KDM4C: variants seen among roughly 807,000 people sequenced by gnomAD.
The protein encoded by KDM4C is lysine demethylase 4C.
A neutral mutation model predicts 129.3 loss-of-function variants in KDM4C; 81 were observed. The observed-to-expected ratio is 0.63, with a 90% CI of 0.52 to 0.75. The LOEUF (loss-of-function observed/expected upper bound fraction) is 0.75, where lower values mean the gene tolerates loss of function less well. Ranked by LOEUF, KDM4C falls within the 30% of genes least tolerant of loss-of-function variation. KDM4C has a pLI of 0.00. For synonymous variants in KDM4C, 573 were observed against 456.1 expected (o/e 1.26, Z -3.26); for missense variants, 1,457 against 1,304.0 (o/e 1.12, Z -1.81).
chr9:6,947,719 C>T (rs1322592155), intron 8 of KDM4C, among the ~76,000 whole-genome samples: 2 of 151,974 alleles, frequency 1.3e-5, no homozygotes, highest in Non-Finnish European at 2.9e-5. Flanking sequence ...ATCTATTTGT[C>T]ATTTTCTAAT....
intron 1 of KDM4C, among the ~76,000 whole-genome samples, chr9:6,732,545 G>T (rs937833852): frequency 1.3e-5 from 2 of 151,936 alleles, no homozygotes; most frequent in African/African-American, 4.8e-5. Flanking sequence ...ACCGCACCCA[G>T]CCAGAAAGGA....
intron 1 of KDM4C, among the ~76,000 whole-genome samples, chr9:6,746,263 T>G (rs1344763574): frequency 1.9e-5 from 1 of 51,370 alleles, no homozygotes; most frequent in Non-Finnish European, 4.1e-5. Context: ...TATATATATG[T>G]TTTTTTTTTT....
At chr9:6,828,990 A>G (rs1177822415) in intron 4 of KDM4C, among the ~76,000 whole-genome samples, 1 of 152,240 alleles carries the variant, frequency 6.6e-6, no homozygotes, top group Non-Finnish European at 1.5e-5. Flanking sequence ...AATGTTTAAT[A>G]ACCTGGTAAA....
intron 8 of KDM4C, among the ~76,000 whole-genome samples, chr9:6,938,064 A>G (rs961033187): frequency 4.6e-5 from 7 of 152,140 alleles, no homozygotes; most frequent in Admixed American, 2.6e-4. Context: ...ATATTTTACA[A>G]ATTGCTAACA....
chr9:6,803,695 C>G (rs1013426274), intron 2 of KDM4C, among the ~76,000 whole-genome samples: 101 of 150,324 alleles, frequency 6.7e-4, no homozygotes, highest in African/African-American at 2.5e-3. Context: ...ATCAGTTGAG[C>G]TCAGGAATTT....
At chr9:7,076,537 C>G (rs1833940806) in intron 17 of KDM4C, 8 of 1,537,076 alleles carry the variant, frequency 5.2e-6, no homozygotes, top group African/African-American at 1.4e-5. Flanking sequence ...ATCCCCTCCG[C>G]CACTGTTTCA....
At chr9:7,129,562 T>TA (rs1684003824) in intron 19 of KDM4C, among the ~76,000 whole-genome samples, 1 of 152,148 alleles carries the variant, frequency 6.6e-6, no homozygotes, top group Admixed American at 6.5e-5. Context: ...ATTCACTGAA[T>TA]ACCTGCTGTG....
At chr9:6,860,314 A>G (rs1395178335) in intron 5 of KDM4C, among the ~76,000 whole-genome samples, 3 of 152,174 alleles carry the variant, frequency 2.0e-5, no homozygotes, top group Non-Finnish European at 4.4e-5. Context: ...TCAGAAAGAA[A>G]ACCCCACATT....
Position 7,029,442 on chromosome 9 carries a change from C to A in KDM4C, c.2259+13513C>A, listed in dbSNP as rs527423755. Among the ~76,000 whole-genome samples the A allele has an allele frequency of 2.0e-5, 3 of 151,936 alleles. No homozygotes were observed. The East Asian group carries it at 5.8e-4, about 29-fold the overall frequency. ...AATATGTTGATAACCTAAATGTTTACCTCTATTCCAATAAATTATAATCCA... is the reference window on the plus strand; with the variant it reads ...AATATGTTGATAACCTAAATGTTTAACTCTATTCCAATAAATTATAATCCA... On this transcript the variant is annotated intron_variant, in intron 15 of 21. Transcript: ENST00000381309.
chr9:6,786,911 A>G lies in KDM4C; in HGVS notation c.-17-6061A>G, dbSNP rs797001852. The stretch of plus-strand genomic sequence containing the variant: ...TTAACCATACTTTTTTGCCCATCAT[A>G]TTGGCAAAGATCTGGGTGGTGTAGT... On this transcript the variant is annotated intron_variant, in intron 1 of 21. Transcript: ENST00000381309. Among the ~76,000 whole-genome samples, 4 of 152,210 alleles carry G rather than the reference A, an allele frequency of 2.6e-5. No homozygotes were observed. In the South Asian group the frequency reaches 8.3e-4, roughly 32 times the overall value.
intron 8 of KDM4C, among the ~76,000 whole-genome samples, chr9:6,957,635 A>G (rs1471367933): frequency 6.6e-6 from 1 of 152,062 alleles, no homozygotes; most frequent in Non-Finnish European, 1.5e-5. Context: ...GTTGTGACTG[A>G]TATTTTCTAT....
At chr9:6,844,369 G>A (rs545793733) in intron 4 of KDM4C, among the ~76,000 whole-genome samples, 183 of 152,132 alleles carry the variant, frequency 1.2e-3, no homozygotes, top group Non-Finnish European at 1.5e-3. Flanking sequence ...CACACACCCC[G>A]GGTTCTGAAG....
chr9:6,924,923 C>T, intron 8 of KDM4C: 1 of 984,014 alleles, frequency 1.0e-6, no homozygotes, highest in Non-Finnish European at 1.2e-6. Flanking sequence ...GCCTTTAGTT[C>T]TAATAATAAT....
chr9:7,128,883 C>G (rs1840316185), intron 19 of KDM4C, among the ~76,000 whole-genome samples: 1 of 152,152 alleles, frequency 6.6e-6, no homozygotes, highest in Admixed American at 6.6e-5. Flanking sequence ...TTCTGAGGAA[C>G]TAGTGAACGT....
intron 8 of KDM4C, among the ~76,000 whole-genome samples, chr9:6,946,808 CTT>C (rs1276604702): frequency 2.0e-5 from 3 of 151,994 alleles, no homozygotes; most frequent in African/African-American, 7.2e-5. Context: ...CTTTTTCACT[CTT>C]TAATTGAATT....
chr9:6,893,356 C>G (rs749036687), intron 8 of KDM4C, 124 bp downstream of exon 8: 12 of 628,634 alleles, frequency 1.9e-5, no homozygotes, highest in Non-Finnish European at 3.1e-5. Context: ...CCTCTCACCA[C>G]AGCAATTCAC....
chr9:7,007,188 G>A (rs1240844702), intron 12 of KDM4C, among the ~76,000 whole-genome samples: 1 of 152,186 alleles, frequency 6.6e-6, no homozygotes, highest in East Asian at 1.9e-4. Context: ...TTGGTGCCTG[G>A]TATACTGGGC....
intron 19 of KDM4C, among the ~76,000 whole-genome samples, chr9:7,151,258 G>C (rs1039791512): frequency 6.6e-6 from 1 of 152,070 alleles, no homozygotes; most frequent in South Asian, 2.1e-4. Flanking sequence ...AATAGGTATA[G>C]CTGTGTATGA....
At chr9:6,853,000 C>G (rs1839137640) in intron 5 of KDM4C, among the ~76,000 whole-genome samples, 1 of 151,998 alleles carries the variant, frequency 6.6e-6, no homozygotes, top group Non-Finnish European at 1.5e-5. Context: ...CTGTGTGTGC[C>G]TTGAAGTTAA....
Sources: gnomAD v4.1 joint callset for allele counts (sites outside exome capture counted in the v4.1 genomes callset) on GRCh38, gnomAD v4.1.1 for gene constraint, MANE v1.5 for transcripts, NCBI Gene and HGNC (gene_info 2026-07-23, HGNC 2026-07-21) for gene names.